Variants in CFAP299 observed in about 807,000 individuals in gnomAD.
CFAP299 encodes cilia- and flagella-associated protein 299.
CFAP299 carries 21 observed loss-of-function variants against 27.0 expected under a neutral mutation model. The observed-to-expected ratio is 0.78, with a 90% CI of 0.55 to 1.12. CFAP299 has a LOEUF of 1.12. Among genes scored for constraint, CFAP299 ranks in the 50% most tolerant of loss-of-function variants. The pLI, the probability that CFAP299 is intolerant of heterozygous loss-of-function variation, is 0.00. For synonymous variants in CFAP299, 104 were observed against 98.1 expected (o/e 1.06, Z -0.36); for missense variants, 310 against 276.6 (o/e 1.12, Z -0.86).
intron 3 of CFAP299, among the ~76,000 whole-genome samples, chr4:80,747,845 C>A (rs1724708518): frequency 6.6e-6 from 1 of 152,034 alleles, no homozygotes; most frequent in Non-Finnish European, 1.5e-5. Flanking sequence ...ATATTCATGG[C>A]TTTACCTGTC....
At chr4:80,550,873 A>C (rs1012435190) in intron 2 of CFAP299, among the ~76,000 whole-genome samples, 1 of 152,108 alleles carries the variant, frequency 6.6e-6, no homozygotes, top group Non-Finnish European at 1.5e-5. Flanking sequence ...AAACTATGCT[A>C]TAACTGCTTA....
intron 3 of CFAP299, among the ~76,000 whole-genome samples, chr4:80,722,997 A>G (rs1173226100): frequency 6.6e-6 from 1 of 152,196 alleles, no homozygotes; most frequent in Non-Finnish European, 1.5e-5. Context: ...ACTTGAAAAG[A>G]TACTCCACAT....
At chr4:80,585,352 T>C (rs1307433892) in intron 3 of CFAP299, among the ~76,000 whole-genome samples, 1 of 152,164 alleles carries the variant, frequency 6.6e-6, no homozygotes, top group East Asian at 1.9e-4. Flanking sequence ...GTTCAGATGT[T>C]AAGAAGCTGG....
In CFAP299 at chr4:80,518,449, C is replaced by T. The variant is rs1258123251; in HGVS notation, c.243-64644C>T. Reference sequence around the variant, plus strand: ...AGAATATGAGAAAGTGAGTGGATTACACTTGCGAGTTCCGTACAGGAGAAC... The same window carrying T: ...AGAATATGAGAAAGTGAGTGGATTATACTTGCGAGTTCCGTACAGGAGAAC... On this transcript the variant is annotated intron_variant, in intron 2 of 5. Transcript: ENST00000358105. Among the ~76,000 whole-genome samples the T allele has an allele frequency of 2.6e-5, 4 of 152,140 alleles. No individual in the cohort carries two copies. In the South Asian group the frequency reaches 8.3e-4, roughly 32 times the overall value.
intron 2 of CFAP299, among the ~76,000 whole-genome samples, chr4:80,477,829 T>G (rs1302802761): frequency 6.6e-6 from 1 of 152,176 alleles, no homozygotes; most frequent in East Asian, 1.9e-4. Flanking sequence ...ACTTACTTGC[T>G]CCTACATTTT....
intron 2 of CFAP299, among the ~76,000 whole-genome samples, chr4:80,577,719 T>A (rs1161490822): frequency 6.6e-6 from 1 of 152,120 alleles, no homozygotes; most frequent in Non-Finnish European, 1.5e-5. Flanking sequence ...ATCTTAATGA[T>A]TAATCAAACT....
chr4:80,514,088 T>G lies in CFAP299; in HGVS notation c.243-69005T>G, dbSNP rs1199783758. Among the ~76,000 whole-genome samples the G allele has an allele frequency of 2.6e-5, 4 of 152,166 alleles. No individual in the cohort carries two copies. The East Asian group carries it at 5.8e-4, about 22-fold the overall frequency. ...TGGAGTCCCTCAAAAATGTGTGTTT[T>G]TTTGTTTGTTTGTTTGTTTGTTTTT... On this transcript the variant is annotated intron_variant, in intron 2 of 5. Coordinates refer to ENST00000358105, the MANE Select transcript of CFAP299 (RefSeq NM_152770.3).
At chr4:80,520,739 C>T (rs900916251) in intron 2 of CFAP299, among the ~76,000 whole-genome samples, 8 of 152,104 alleles carry the variant, frequency 5.3e-5, no homozygotes, top group Admixed American at 2.6e-4. Context: ...GAATCGAAGA[C>T]GAGTTTTAAA....
At chr4:80,926,894 T>C (rs1286452290) in intron 4 of CFAP299, among the ~76,000 whole-genome samples, 1 of 152,048 alleles carries the variant, frequency 6.6e-6, no homozygotes, top group Non-Finnish European at 1.5e-5. Context: ...ATATGTCAGA[T>C]GGCAAAGACT....
At chr4:80,939,069 G>A (rs1444165089) in intron 4 of CFAP299, among the ~76,000 whole-genome samples, 1 of 152,134 alleles carries the variant, frequency 6.6e-6, no homozygotes, top group African/African-American at 2.4e-5. Context: ...CTTTGTAGAT[G>A]ATTAACCATT....
At chr4:80,389,842 C>G (rs1412072831) in intron 2 of CFAP299, among the ~76,000 whole-genome samples, 1 of 152,092 alleles carries the variant, frequency 6.6e-6, no homozygotes, top group Non-Finnish European at 1.5e-5. Flanking sequence ...GAAATTGAGG[C>G]ACAGAATTTT....
intron 3 of CFAP299, among the ~76,000 whole-genome samples, chr4:80,651,363 T>C: frequency 6.9e-6 from 1 of 144,392 alleles, no homozygotes; most frequent in Admixed American, 6.8e-5. Flanking sequence ...TCTTTCTTCT[T>C]CTTCTTTTTT....
chr4:80,697,704 A>T (rs1483424341), intron 3 of CFAP299, among the ~76,000 whole-genome samples: 1 of 152,130 alleles, frequency 6.6e-6, no homozygotes, highest in East Asian at 1.9e-4. Flanking sequence ...GCGATCATAC[A>T]ATTAGATTTA....
chr4:80,668,975 GTCT>G (rs1320188215), intron 3 of CFAP299, among the ~76,000 whole-genome samples: 1 of 151,490 alleles, frequency 6.6e-6, no homozygotes, highest in Non-Finnish European at 1.5e-5. Context: ...ATTTTTTTGT[GTCT>G]TCTTCAATTC....
At chr4:80,868,659 A>G (rs529898333) in intron 3 of CFAP299, among the ~76,000 whole-genome samples, 1 of 152,166 alleles carries the variant, frequency 6.6e-6, no homozygotes, top group Admixed American at 6.5e-5. Flanking sequence ...TCCTGCTTTC[A>G]CTTAGTTTTT....
chr4:80,868,146 CA>C (rs1270604699), intron 3 of CFAP299, among the ~76,000 whole-genome samples: 1 of 152,092 alleles, frequency 6.6e-6, no homozygotes, highest in Non-Finnish European at 1.5e-5. Context: ...ACATTTTAAA[CA>C]TATTATTCTT....
At chr4:80,423,292 A>G (rs1242158321) in intron 2 of CFAP299, among the ~76,000 whole-genome samples, 2 of 152,226 alleles carry the variant, frequency 1.3e-5, no homozygotes, top group Non-Finnish European at 2.9e-5. Flanking sequence ...TATTATTTTA[A>G]GATGTATTTT....
intron 3 of CFAP299, among the ~76,000 whole-genome samples, chr4:80,745,546 C>A (rs902562795): frequency 1.6e-4 from 24 of 150,058 alleles, no homozygotes; most frequent in Non-Finnish European, 3.1e-4. Flanking sequence ...TTTAAATAAA[C>A]TTTTTATTTT....
At chr4:80,750,214 G>A (rs1233720577) in intron 3 of CFAP299, among the ~76,000 whole-genome samples, 1 of 151,922 alleles carries the variant, frequency 6.6e-6, no homozygotes, top group Non-Finnish European at 1.5e-5. Context: ...TGAAAATAAT[G>A]TGAAAAAATA....
Sources: gnomAD v4.1 joint callset for allele counts (sites outside exome capture counted in the v4.1 genomes callset) on GRCh38, gnomAD v4.1.1 for gene constraint, MANE v1.5 for transcripts, NCBI Gene and HGNC (gene_info 2026-07-23, HGNC 2026-07-21) for gene names.